ACTMAP: variants seen among roughly 807,000 people sequenced by gnomAD.
ACTMAP encodes the protein UPF0692 protein C19orf54.
the ACTMAP span, chr19:40,749,532 A>G: frequency 6.4e-7 from 1 of 1,550,418 alleles, no homozygotes; most frequent in African/African-American, 1.4e-5. Flanking sequence ...GCCCTTGGGG[A>G]CCGGGCCGGC....
At chr19:40,741,042 G>A in the ACTMAP span, 1 of 398,812 alleles carries the variant, frequency 2.5e-6, no homozygotes, top group South Asian at 1.3e-4. Context: ...ACACAGTGGT[G>A]AGCAAGGCTG....
the ACTMAP span, chr19:40,741,605 G>A: frequency 2.5e-6 from 1 of 400,832 alleles, no homozygotes. Flanking sequence ...TGTATAAGTG[G>A]ACAGGAAAGT....
At chr19:40,744,622 G>C in the ACTMAP span, 1 of 1,613,846 alleles carries the variant, frequency 6.2e-7, no homozygotes, top group Non-Finnish European at 8.5e-7. Flanking sequence ...AGTCTCTCCA[G>C]GGGGACGCCA....
the ACTMAP span, chr19:40,742,697 G>C: frequency 6.2e-7 from 1 of 1,612,942 alleles, no homozygotes; most frequent in African/African-American, 1.3e-5. Context: ...CCAGCACTGG[G>C]TGGAACAGGC....
chr19:40,747,235 A>G, the ACTMAP span, among the ~76,000 whole-genome samples: 1 of 151,854 alleles, frequency 6.6e-6, no homozygotes, highest in Non-Finnish European at 1.5e-5. Context: ...ATACCACATA[A>G]GTATGATTAA....
chr19:40,742,297 G>C, the ACTMAP span: 1 of 871,784 alleles, frequency 1.1e-6, no homozygotes, highest in African/African-American at 1.7e-5. Context: ...AATACTGCAG[G>C]GGGTGGCCCT....
chr19:40,743,518 C>G, the ACTMAP span, among the ~76,000 whole-genome samples: 1 of 152,194 alleles, frequency 6.6e-6, no homozygotes, highest in African/African-American at 2.4e-5. Flanking sequence ...CAGGCGTGAG[C>G]CACCGCGCCT....
At chr19:40,742,423 G>A in the ACTMAP span, 76 of 1,453,836 alleles carry the variant, frequency 5.2e-5, no homozygotes, top group South Asian at 2.8e-4. Flanking sequence ...GCCTGAGACC[G>A]CAGCCGCAGC....
chr19:40,742,649 G>T, the ACTMAP span: 5 of 1,613,440 alleles, frequency 3.1e-6, no homozygotes, highest in South Asian at 4.4e-5. Flanking sequence ...CTCCCGGGGA[G>T]CCCTCCTCTG....
chr19:40,748,215 C>G, the ACTMAP span, among the ~76,000 whole-genome samples: 1 of 151,974 alleles, frequency 6.6e-6, no homozygotes, highest in Non-Finnish European at 1.5e-5. Context: ...TGTAATCCCA[C>G]CACTTTGGGA....
the ACTMAP span, chr19:40,745,130 T>C: frequency 4.3e-5 from 67 of 1,551,802 alleles, no homozygotes; most frequent in African/African-American, 4.2e-4. Flanking sequence ...GGGCACATAC[T>C]GAGGGCCTTC....
the ACTMAP span, chr19:40,742,593 A>ACTATCTTG: frequency 6.2e-7 from 1 of 1,610,328 alleles, no homozygotes; most frequent in Non-Finnish European, 8.5e-7. Flanking sequence ...GTAGTCCCAC[A>ACTATCTTG]GCTGATAGTG....
chr19:40,743,963 G>A, the ACTMAP span: 1 of 1,614,048 alleles, frequency 6.2e-7, no homozygotes, highest in Non-Finnish European at 8.5e-7. Flanking sequence ...CATGGTTGAA[G>A]TCCTCGTCGT....
the ACTMAP span, chr19:40,744,054 G>C: frequency 1.2e-6 from 2 of 1,613,998 alleles, no homozygotes; most frequent in Non-Finnish European, 1.7e-6. Context: ...CTCTCTCCCA[G>C]GCCCTGGGAT....
the ACTMAP span, chr19:40,741,731 T>C: frequency 2.2e-6 from 1 of 456,700 alleles, no homozygotes; most frequent in Admixed American, 2.3e-5. Context: ...AGGCCAGTGA[T>C]TCCACTTCTC....
the ACTMAP span, among the ~76,000 whole-genome samples, chr19:40,749,183 G>T: frequency 6.6e-6 from 1 of 151,934 alleles, no homozygotes; most frequent in African/African-American, 2.4e-5. Flanking sequence ...TAGAGATGCG[G>T]TTTCACCATA....
the ACTMAP span, among the ~76,000 whole-genome samples, chr19:40,743,742 A>G: frequency 6.6e-6 from 1 of 151,838 alleles, no homozygotes; most frequent in East Asian, 1.9e-4. Flanking sequence ...TGTTTGTAGA[A>G]GCTCCAACTG....
At chr19:40,749,373 A>G in the ACTMAP span, 1 of 1,125,274 alleles carries the variant, frequency 8.9e-7, no homozygotes, top group Non-Finnish European at 1.3e-6. Flanking sequence ...GGACCTAAGT[A>G]GTCAGCCTGT....
chr19:40,743,916 G>A, the ACTMAP span: 23 of 1,613,874 alleles, frequency 1.4e-5, no homozygotes, highest in African/African-American at 8.0e-5. Context: ...TGCACTCACC[G>A]CCCAGTGTGC....
Sources: gnomAD v4.1 joint callset for allele counts (sites outside exome capture counted in the v4.1 genomes callset) on GRCh38, gnomAD v4.1.1 for gene constraint, MANE v1.5 for transcripts, NCBI Gene and HGNC (gene_info 2026-07-23, HGNC 2026-07-21) for gene names.